PCDHA3: variants seen among roughly 807,000 people sequenced by gnomAD.
PCDHA3 encodes protocadherin alpha-3.
Under a neutral mutation model 62.2 loss-of-function variants are expected in PCDHA3, and 41 were observed. That is an observed-to-expected ratio of 0.66 (90% CI 0.51 to 0.86). The LOEUF (loss-of-function observed/expected upper bound fraction) is 0.86. Among genes scored for constraint, PCDHA3 ranks in the 40% least tolerant of loss-of-function variants. The probability of loss-of-function intolerance (pLI) is 0.00; values close to 1 mark genes in which losing one functional copy is unlikely to be tolerated. For synonymous variants in PCDHA3, 640 were observed against 555.4 expected (o/e 1.15, Z -2.14); for missense variants, 1,304 against 1,241.2 (o/e 1.05, Z -0.76).
intron 1 of PCDHA3, among the ~76,000 whole-genome samples, chr5:140,974,062 G>T (rs1014435483): frequency 2.0e-5 from 3 of 152,222 alleles, no homozygotes; most frequent in Non-Finnish European, 4.4e-5. Context: ...ATTTGGAGCA[G>T]TATAATCTAT....
chr5:140,993,535 GAGAT>G (rs2097571300), intron 3 of PCDHA3, among the ~76,000 whole-genome samples: 1 of 151,900 alleles, frequency 6.6e-6, no homozygotes, highest in African/African-American at 2.4e-5. Context: ...GAGAGAGAGA[GAGAT>G]AGAGAAGTGA....
chr5:140,836,128 C>T (rs2150253454), intron 1 of PCDHA3: 10 of 1,613,624 alleles, frequency 6.2e-6, no homozygotes, highest in South Asian at 1.1e-5. Flanking sequence ...GAGCTTGTGC[C>T]GCGGTCTGTG....
intron 1 of PCDHA3, chr5:140,857,404 T>C: frequency 1.3e-6 from 2 of 1,597,962 alleles, no homozygotes; most frequent in Non-Finnish European, 1.7e-6. Flanking sequence ...ACAACGCGCC[T>C]GCGTTCGCGC....
At chr5:140,850,122 C>T in intron 1 of PCDHA3, 2 of 1,595,914 alleles carry the variant, frequency 1.3e-6, no homozygotes, top group Non-Finnish European at 1.7e-6. Context: ...CGCGGGCGTG[C>T]CGCCTCTGGG....
chr5:140,863,388 C>A (rs2047990567), intron 1 of PCDHA3: 2 of 1,000,024 alleles, frequency 2.0e-6, no homozygotes, highest in African/African-American at 1.6e-5. Context: ...AGAGCTCGTG[C>A]ATGCCGGGCA....
At chr5:140,829,658 C>A in intron 1 of PCDHA3, 8 of 1,612,628 alleles carry the variant, frequency 5.0e-6, no homozygotes, top group Non-Finnish European at 6.8e-6. Flanking sequence ...GCTGCAGCCG[C>A]TGGACCACGA....
Position 140,969,604 on chromosome 5 carries a change from AAC to A in PCDHA3, c.2395-9341_2395-9340del. 5.2e-6 allele frequency: 4 copies of A among 765,156 alleles called. No homozygotes were observed. The South Asian group carries it at 6.3e-5, about 12-fold the overall frequency. 47.4% of individuals were successfully genotyped at this position (765,156 alleles called of 1,614,324 possible). A position where few individuals can be genotyped will look rare whatever the true frequency, so the allele number is the denominator to read the frequency against. On this transcript the variant is annotated intron_variant, in intron 1 of 3. Transcript: ENST00000522353. Reference sequence around the variant, plus strand: ...GATTAGTCTTAATATTTAATGCTAAAACACAGATTTGTAGAGAAACAGGACAG... The same window carrying A: ...GATTAGTCTTAATATTTAATGCTAAAACAGATTTGTAGAGAAACAGGACAG...
At chr5:140,804,810 A>C (rs1763463780) in intron 1 of PCDHA3, 1 of 314,220 alleles carries the variant, frequency 3.2e-6, no homozygotes, top group African/African-American at 2.1e-5. Context: ...AATAGTAACC[A>C]ACTGAAACCT....
chr5:140,883,282 G>A (rs781911340), intron 1 of PCDHA3: 6 of 1,613,900 alleles, frequency 3.7e-6, no homozygotes, highest in Non-Finnish European at 5.1e-6. Context: ...CCCTTTTGGT[G>A]GAAGTACTAG....
intron 1 of PCDHA3, chr5:140,851,516 T>A: frequency 1.1e-6 from 1 of 906,322 alleles, no homozygotes; most frequent in African/African-American, 1.8e-5. Context: ...AAATATGTTT[T>A]AAAATGCCTG....
intron 1 of PCDHA3, chr5:140,822,937 C>T: frequency 6.2e-7 from 1 of 1,614,274 alleles, no homozygotes. Flanking sequence ...GACCTGCTCC[C>T]TAATGCCCCA....
At chr5:140,821,863 C>A (rs1268753327) in intron 1 of PCDHA3, 8 of 1,614,110 alleles carry the variant, frequency 5.0e-6, no homozygotes, top group Non-Finnish European at 5.1e-6. Flanking sequence ...GAGCGGCCAG[C>A]TCCACTACTC....
At chr5:140,874,058 T>C (rs1454224127) in intron 1 of PCDHA3, among the ~76,000 whole-genome samples, 1 of 152,234 alleles carries the variant, frequency 6.6e-6, no homozygotes, top group African/African-American at 2.4e-5. Context: ...TTAGACAATT[T>C]AAATAATTAG....
intron 1 of PCDHA3, among the ~76,000 whole-genome samples, chr5:140,953,840 G>C (rs1429646408): frequency 6.6e-6 from 1 of 152,072 alleles, no homozygotes; most frequent in African/African-American, 2.4e-5. Flanking sequence ...TTGTTACCCA[G>C]GTAAACATGT....
intron 1 of PCDHA3, chr5:140,807,121 C>A (rs1397295588): frequency 3.9e-6 from 6 of 1,533,416 alleles, no homozygotes; most frequent in Admixed American, 3.7e-5. Flanking sequence ...CTTGACTGAC[C>A]GATTAAAAGA....
At chr5:140,827,032 T>C (rs1769155846) in intron 1 of PCDHA3, among the ~76,000 whole-genome samples, 1 of 152,190 alleles carries the variant, frequency 6.6e-6, no homozygotes, top group Non-Finnish European at 1.5e-5. Context: ...AATTTAAAAA[T>C]TTGAATTTGG....
chr5:140,890,097 C>G (rs1554184163), intron 1 of PCDHA3, among the ~76,000 whole-genome samples: 1 of 152,136 alleles, frequency 6.6e-6, no homozygotes, highest in African/African-American at 2.4e-5. Context: ...AATTTATTCC[C>G]AACTCTGGAT....
At chr5:140,856,855 T>C in intron 1 of PCDHA3, 3 of 1,594,310 alleles carry the variant, frequency 1.9e-6, no homozygotes, top group Middle Eastern at 1.7e-4. Context: ...CTGATTCGGA[T>C]GAAGGAATAA....
At position 140,802,912 on chromosome 5, in the gene PCDHA3, G is replaced by A; in HGVS notation, c.1715G>A (p.Gly572Asp). 1 of 1,613,746 alleles carries A rather than the reference G, an allele frequency of 6.2e-7. No homozygotes were observed. Among genetic ancestry groups the A allele is most frequent in the Non-Finnish European group, 8.5e-7 (1 of 1,179,886 alleles). The change falls in exon 1 of 4, where the codon GGC becomes GAC. Residue 572 changes from glycine (G) to aspartate (D), a missense_variant. Physicochemically the swap from Gly to Asp is moderately conservative, Grantham distance 94. Coordinates refer to ENST00000522353, the MANE Select transcript of PCDHA3 (RefSeq NM_018906.3). ...APALLMPRVG[G>D]IGGAVSELVP... ...GCACTGCTGATGCCTCGGGTGGGTG[G>A]CATCGGTGGCGCAGTGAGCGAGCTG...
Sources: gnomAD v4.1 joint callset for allele counts (sites outside exome capture counted in the v4.1 genomes callset) on GRCh38, gnomAD v4.1.1 for gene constraint, MANE v1.5 for transcripts, NCBI Gene and HGNC (gene_info 2026-07-23, HGNC 2026-07-21) for gene names.